STEAP1B: variants seen among roughly 807,000 people sequenced by gnomAD.
STEAP1B encodes the protein STEAP family member 1B.
Under a neutral mutation model 27.9 loss-of-function variants are expected in STEAP1B, and 13 were observed. The observed-to-expected ratio is 0.47, with a 90% confidence interval of 0.30 to 0.74. The LOEUF (loss-of-function observed/expected upper bound fraction) is 0.74, where lower values mean the gene tolerates loss of function less well. STEAP1B is among the 30% of genes least tolerant of loss of function. The pLI is 0.06. For synonymous variants in STEAP1B, 86 were observed against 107.1 expected, an observed-to-expected ratio of 0.80 and a Z score of 1.22; for missense variants, 250 against 298.7, an observed-to-expected ratio of 0.84 and a Z score of 1.20.
chr7:22,470,128 A>G (rs1024265379), intron 4 of STEAP1B, among the ~76,000 whole-genome samples: 4 of 152,222 alleles, frequency 2.6e-5, no homozygotes, highest in Admixed American at 1.3e-4. Flanking sequence ...CCATTCTCCA[A>G]TTAAAGTCTC....
chr7:22,447,628 T>C lies in STEAP1B; in HGVS notation c.763-27792A>G, dbSNP rs533959380. ...AAAGTGGGAACTCATCCCTGTGCAA[T>C]GGTCAAATGCTCCACATATTTTTGT... On this transcript the variant is annotated intron_variant, in intron 4 of 4. Transcript: ENST00000678116. 2.0e-5 allele frequency among the ~76,000 whole-genome samples: 3 copies of C among 152,280 alleles called. No homozygotes were observed. In the East Asian group the frequency reaches 5.8e-4, roughly 29 times the overall value.
At chr7:22,452,972 G>C (rs1446347062) in intron 4 of STEAP1B, among the ~76,000 whole-genome samples, 1 of 152,066 alleles carries the variant, frequency 6.6e-6, no homozygotes, top group Non-Finnish European at 1.5e-5. Context: ...CAGGGAACAG[G>C]GGATAAACTA....
chr7:22,438,910 TA>T (rs755384107), intron 4 of STEAP1B, among the ~76,000 whole-genome samples: 11 of 152,358 alleles, frequency 7.2e-5, no homozygotes, highest in South Asian at 6.2e-4. Flanking sequence ...GTGACATTTT[TA>T]TTTGGTAATA....
At chr7:22,425,371 A>G (rs1785093246) in intron 4 of STEAP1B, among the ~76,000 whole-genome samples, 1 of 152,224 alleles carries the variant, frequency 6.6e-6, no homozygotes, top group Non-Finnish European at 1.5e-5. Context: ...CATGGCCTAT[A>G]TTTGTTGCAT....
At chr7:22,458,406 G>C (rs881368) in intron 4 of STEAP1B, among the ~76,000 whole-genome samples, 1 of 152,222 alleles carries the variant, frequency 6.6e-6, no homozygotes, top group Non-Finnish European at 1.5e-5. Flanking sequence ...TCTTAAAGGA[G>C]AGGTGGAGTC....
chr7:22,489,850 G>A (rs1403108298), intron 4 of STEAP1B, among the ~76,000 whole-genome samples: 1 of 152,138 alleles, frequency 6.6e-6, no homozygotes, highest in Non-Finnish European at 1.5e-5. Flanking sequence ...ATTACCTTGG[G>A]CAGTATGGCC....
intron 4 of STEAP1B, among the ~76,000 whole-genome samples, chr7:22,457,861 A>C (rs1469881547): frequency 6.6e-6 from 1 of 152,206 alleles, no homozygotes. Flanking sequence ...AAAACCAAGG[A>C]GGTTAAAATG....
intron 4 of STEAP1B, among the ~76,000 whole-genome samples, chr7:22,456,972 A>ATATATATATTTTTTTTTTT: frequency 1.8e-5 from 1 of 57,046 alleles, no homozygotes; most frequent in African/African-American, 7.0e-5. Flanking sequence ...ATATATATAT[A>ATATATATATTTTTTTTTTT]TTTTTTTTTT....
chr7:22,470,674 G>A (rs1303351374), intron 4 of STEAP1B, among the ~76,000 whole-genome samples: 1 of 152,196 alleles, frequency 6.6e-6, no homozygotes, highest in Non-Finnish European at 1.5e-5. Flanking sequence ...ACTGAGGCAG[G>A]ATTGAATCCT....
intron 4 of STEAP1B, among the ~76,000 whole-genome samples, chr7:22,490,178 T>TG (rs1324537809): frequency 2.0e-5 from 3 of 150,430 alleles, no homozygotes; most frequent in Non-Finnish European, 3.0e-5. Flanking sequence ...TTTAGAAAAC[T>TG]TTTTTTTAAA....
intron 4 of STEAP1B, among the ~76,000 whole-genome samples, chr7:22,446,056 C>T (rs1785405108): frequency 6.6e-6 from 1 of 152,182 alleles, no homozygotes; most frequent in African/African-American, 2.4e-5. Context: ...GTCACAGCAG[C>T]AGCTAATGGT....
At position 22,492,790 on chromosome 7, in the gene STEAP1B, T is replaced by C. The variant is rs1786354062; in HGVS notation, c.598-61A>G. ...ACAACAGTTATTTCCTGAATGTGAA[T>C]CTCCTTCTACACTCTTCCCTGTGTG... On this transcript the variant is annotated intron_variant, in intron 3 of 4. Transcript: ENST00000678116. The C allele has an allele frequency of 3.2e-6, 5 of 1,546,346 alleles. No individual in the cohort carries two copies. The South Asian group carries it at 6.6e-5, about 20-fold the overall frequency.
At chr7:22,475,026 T>G (rs1293207176) in intron 4 of STEAP1B, among the ~76,000 whole-genome samples, 4 of 152,236 alleles carry the variant, frequency 2.6e-5, no homozygotes, top group Admixed American at 6.5e-5. Flanking sequence ...GTCCCTGATA[T>G]CTGTCTGATT....
chr7:22,476,815 C>T (rs1401801467), intron 4 of STEAP1B, among the ~76,000 whole-genome samples: 1 of 152,192 alleles, frequency 6.6e-6, no homozygotes, highest in Non-Finnish European at 1.5e-5. Context: ...CGACAAACAT[C>T]ATGGCTGTAC....
At chr7:22,443,745 A>T (rs1454812153) in intron 4 of STEAP1B, among the ~76,000 whole-genome samples, 1 of 152,216 alleles carries the variant, frequency 6.6e-6, no homozygotes, top group African/African-American at 2.4e-5. Flanking sequence ...GGTAGCTGGC[A>T]CATGCCAGCT....
chr7:22,441,532 T>C (rs1053628514), intron 4 of STEAP1B, among the ~76,000 whole-genome samples: 1 of 152,232 alleles, frequency 6.6e-6, no homozygotes, highest in African/African-American at 2.4e-5. Flanking sequence ...CGAAGTTTGC[T>C]CATTTCTGTT....
intron 4 of STEAP1B, among the ~76,000 whole-genome samples, chr7:22,457,863 G>T (rs1785613532): frequency 6.6e-6 from 1 of 152,178 alleles, no homozygotes; most frequent in African/African-American, 2.4e-5. Flanking sequence ...AACCAAGGAG[G>T]TTAAAATGCA....
intron 4 of STEAP1B, among the ~76,000 whole-genome samples, chr7:22,464,800 TG>T (rs771120728): frequency 3.3e-5 from 5 of 150,988 alleles, no homozygotes; most frequent in Non-Finnish European, 7.4e-5. Flanking sequence ...CCTCCAGAAC[TG>T]GGAGGAAATA....
chr7:22,464,940 C>A (rs1417471888), intron 4 of STEAP1B, among the ~76,000 whole-genome samples: 2 of 10,074 alleles, frequency 2.0e-4, no homozygotes, highest in Non-Finnish European at 1.0e-3. Context: ...ACAGACAGTA[C>A]CAAACCCCAT....
Sources: gnomAD v4.1 joint callset for allele counts (sites outside exome capture counted in the v4.1 genomes callset) on GRCh38, gnomAD v4.1.1 for gene constraint, MANE v1.5 for transcripts, NCBI Gene and HGNC (gene_info 2026-07-23, HGNC 2026-07-21) for gene names.